NQO1: variants seen among roughly 807,000 people sequenced by gnomAD.
NQO1 encodes the protein NAD(P)H dehydrogenase [quinone] 1.
A neutral mutation model predicts 32.1 loss-of-function variants in NQO1; 30 were observed. The observed-to-expected ratio is 0.94, with a 90% CI of 0.70 to 1.27. The LOEUF is 1.27. Among genes scored for constraint, NQO1 ranks in the 50% most tolerant of loss-of-function variants. The pLI, the probability that NQO1 is intolerant of heterozygous loss-of-function variation, is 0.00. For synonymous variants in NQO1, 109 were observed against 119.7 expected (o/e 0.91, Z 0.59); for missense variants, 276 against 331.3 (o/e 0.83, Z 1.30).
In NQO1 at chr16:69,715,053, G is replaced by C; in HGVS notation, c.328C>G (p.Pro110Ala). ...FQFPLQWFGV[P>A]AILKGWFERV... ...TCAAACCAGCCTTTCAGAATGGCAG[G>C]GACTCCAAACCACTGCAGGGGGAAC... The change falls in exon 4 of 6, where the codon CCT becomes GCT. Residue 110 changes from proline to alanine, a missense_variant. Coordinates refer to ENST00000320623, the MANE Select transcript of NQO1 (RefSeq NM_000903.3). 6.2e-7 allele frequency: 1 copy of C among 1,613,668 alleles called. No homozygotes were observed. Among genetic ancestry groups the C allele is most frequent in the South Asian group, 1.1e-5 (1 of 91,074 alleles).
rs1460646593 is a variant in NQO1, at chr16:69,712,703, T to C, written c.519+325A>G. On this transcript the variant is annotated intron_variant, in intron 5 of 5. Transcript: ENST00000320623. ...TCAATGAATGAATTCCCCTGAAGGT[T>C]CGTTGAAAATGAGGTACCTGGCCAG... is the stretch of plus-strand genomic sequence containing the variant. Among the ~76,000 whole-genome samples the C allele has an allele frequency of 2.6e-5, 4 of 152,178 alleles. No homozygotes were observed. In the South Asian group the frequency reaches 6.2e-4, roughly 24 times the overall value.
At chr16:69,711,717 G>A (rs995617649) in intron 5 of NQO1, among the ~76,000 whole-genome samples, 4 of 149,980 alleles carry the variant, frequency 2.7e-5, no homozygotes, top group East Asian at 2.0e-4. Context: ...GCCATGGCAC[G>A]ATCTCGGCTC....
rs2038064535 is a variant in NQO1 at position 69,713,218 on chromosome 16, C to T, written c.418-89G>A. The T allele has an allele frequency of 3.7e-5, 36 of 960,204 alleles. No individual in the cohort carries two copies. The South Asian group carries it at 4.8e-4, about 13-fold the overall frequency. 59.5% of individuals were successfully genotyped at this position (960,204 alleles called of 1,614,324 possible). A position where few individuals can be genotyped will look rare whatever the true frequency, so the allele number is the denominator to read the frequency against. ...AATGAAACAGCTCCAGGGAAAAGAA[C>T]ACACAAGTCTGTCCTATTTGCTGTT... On this transcript the variant is annotated intron_variant, in intron 4 of 5. Transcript: ENST00000320623.
At chr16:69,726,378 AGGCACCAGTGCT>A in intron 1 of NQO1, 43 bp downstream of exon 1, 1 of 1,607,064 alleles carries the variant, frequency 6.2e-7, no homozygotes, top group East Asian at 2.2e-5. Flanking sequence ...CCTCCTCCAC[AGGCACCAGTGCT>A]CGAGAGACGA....
intron 1 of NQO1, among the ~76,000 whole-genome samples, chr16:69,720,950 A>C (rs1022861035): frequency 1.3e-5 from 2 of 151,522 alleles, no homozygotes; most frequent in Non-Finnish European, 2.9e-5. Flanking sequence ...GCATGATCTC[A>C]GGTCACTGCA....
rs56383985 is a variant in NQO1 at position 69,726,533 on chromosome 16, C to G, written c.-94G>C. On this transcript the variant is annotated 5_prime_UTR_variant, in exon 1 of 6. Coordinates refer to ENST00000320623, the MANE Select transcript of NQO1 (RefSeq NM_000903.3). Reference sequence around the variant, plus strand: ...AGGCTCTCGGTGAGCTGGGCGGCTCCGGCTGCAACCTTGTGGGAGTCGCGT... The same window carrying G: ...AGGCTCTCGGTGAGCTGGGCGGCTCGGGCTGCAACCTTGTGGGAGTCGCGT... The G allele has an allele frequency of 1.5e-5, 23 of 1,543,404 alleles. No individual in the cohort carries two copies. Among genetic ancestry groups the G allele is most frequent in the Non-Finnish European group, 1.9e-5 (22 of 1,142,304 alleles).
intron 3 of NQO1, among the ~76,000 whole-genome samples, chr16:69,716,478 C>G (rs960311626): frequency 6.6e-6 from 1 of 150,682 alleles, no homozygotes; most frequent in African/African-American, 2.4e-5. Flanking sequence ...GGCAACAGAG[C>G]GAGACTCCAT....
intron 1 of NQO1, among the ~76,000 whole-genome samples, chr16:69,721,853 A>AAT (rs1435606212): frequency 7.5e-6 from 1 of 133,518 alleles, no homozygotes; most frequent in African/African-American, 2.7e-5. Flanking sequence ...AAAAAAAAAA[A>AAT]TTAGCTGAGC....
intron 3 of NQO1, chr16:69,717,913 G>T: frequency 1.4e-6 from 1 of 715,268 alleles, no homozygotes; most frequent in Non-Finnish European, 2.2e-6. Context: ...GCCTGGCCTT[G>T]CAGTTGCATT....
At chr16:69,722,576 G>GC (rs2038207260) in intron 1 of NQO1, among the ~76,000 whole-genome samples, 1 of 152,200 alleles carries the variant, frequency 6.6e-6, no homozygotes, top group Non-Finnish European at 1.5e-5. Context: ...ATCTAGCAAG[G>GC]CAAGTGCCTC....
chr16:69,712,940 C>T, intron 5 of NQO1, 88 bp downstream of exon 5: 2 of 1,103,708 alleles, frequency 1.8e-6, no homozygotes, highest in Non-Finnish European at 2.7e-6. Flanking sequence ...TTGTAGTGAA[C>T]TAAGATGGTG....
In NQO1 at chr16:69,710,811, T is replaced by C. The variant is rs1224443582; in HGVS notation, c.*165A>G. 2.6e-6 allele frequency: 2 copies of C among 766,504 alleles called. No individual in the cohort carries two copies. The allele number at this position is 766,504 out of a possible 1,614,324, so 47.5% of individuals were successfully genotyped here. On this transcript the variant is annotated 3_prime_UTR_variant, in exon 6 of 6. Transcript: ENST00000320623. Reference sequence around the variant, plus strand: ...TATGCCATGATAGTAATCATAAGAATCAGTTAAAAATGATCCAAAAATGCA... The same window carrying C: ...TATGCCATGATAGTAATCATAAGAACCAGTTAAAAATGATCCAAAAATGCA...
chr16:69,714,994 G>GT lies in NQO1; in HGVS notation c.386dup (p.Tyr129Ter), dbSNP rs748374631. ...AGGGTCCTTTGTCATACATGGCAGC[G>GT]TAAGTGTAAGCAAACTCTCCTATGA... Reference protein sequence around the residue: ...RVFIGEFAYTYAAMYDKGPFR... With the variant: ...RVFIGEFAYT The change falls in exon 4 of 6, where the codon TAC (tyrosine) becomes TAAC (stop). Residue 129 changes from tyrosine (Y) to a stop codon, truncating the protein, a stop_gained and frameshift_variant. Coordinates refer to ENST00000320623, the MANE Select transcript of NQO1 (RefSeq NM_000903.3). LOFTEE classifies it high-confidence loss of function. The GT allele has an allele frequency of 2.5e-6, 4 of 1,613,640 alleles. No homozygotes were observed. Among genetic ancestry groups the GT allele is most frequent in the East Asian group, 2.2e-5 (1 of 44,850 alleles).
intron 3 of NQO1, among the ~76,000 whole-genome samples, chr16:69,716,192 AATC>A (rs776862080): frequency 8.3e-5 from 12 of 144,164 alleles, no homozygotes; most frequent in African/African-American, 2.6e-4. Context: ...TAATAATAAT[AATC>A]ATCATCATCA....
In NQO1 at chr16:69,724,492, CA is replaced by C. The variant is rs1164643438; in HGVS notation, c.7+1940del. On this transcript the variant is annotated intron_variant, in intron 1 of 5. Transcript: ENST00000320623. ...ACAGGAATGAGCCACCACTCCCAGC[CA>C]AAATTTTTTTTTTTTTTAATTAGCT... Among the ~76,000 whole-genome samples the C allele has an allele frequency of 3.5e-3, 530 of 151,380 alleles. 2 individuals carry two copies. The highest frequency in any genetic ancestry group is 0.012 in the African/African-American group (502 of 41,272).
In NQO1 at chr16:69,710,953, A is replaced by C. The variant is rs755088096; in HGVS notation, c.*23T>G. On this transcript the variant is annotated 3_prime_UTR_variant, in exon 6 of 6. Transcript: ENST00000320623. Reference sequence around the variant, plus strand: ...ATACCCAGATTTGATAACATGTTAGAAGGAAATCCAGGCTAAGGAATCTCA... The same window carrying C: ...ATACCCAGATTTGATAACATGTTAGCAGGAAATCCAGGCTAAGGAATCTCA... 6.3e-7 allele frequency: 1 copy of C among 1,594,546 alleles called. No homozygotes were observed. Among genetic ancestry groups the C allele is most frequent in the Non-Finnish European group, 8.5e-7 (1 of 1,169,964 alleles).
rs2038012744 is a variant in NQO1, at chr16:69,709,788, T to G, written c.*1188A>C. 3 of 398,478 alleles carry G rather than the reference T, an allele frequency of 7.5e-6. No individual in the cohort carries two copies. The highest frequency in any genetic ancestry group is 1.3e-5 in the Non-Finnish European group (3 of 226,070). The allele number at this position is 398,478 out of a possible 1,614,324, so 24.7% of individuals were successfully genotyped here. On this transcript the variant is annotated 3_prime_UTR_variant, in exon 6 of 6. Coordinates refer to ENST00000320623, the MANE Select transcript of NQO1 (RefSeq NM_000903.3). ...AAATTGACTATTATGCCAAAACTGT[T>G]CACCAAAGTTGATAAAACTCTAGGT...
intron 1 of NQO1, among the ~76,000 whole-genome samples, chr16:69,723,695 G>T (rs1025306532): frequency 6.6e-6 from 1 of 151,986 alleles, no homozygotes; most frequent in East Asian, 1.9e-4. Flanking sequence ...CCAGCTAATC[G>T]GGAGGCTGAG....
chr16:69,709,707 T>C lies in NQO1; in HGVS notation c.*1269A>G. 1 of 398,308 alleles carries C rather than the reference T, an allele frequency of 2.5e-6. No individual in the cohort carries two copies. The highest frequency in any genetic ancestry group is 4.4e-6 in the Non-Finnish European group (1 of 225,914). The allele number at this position is 398,308 out of a possible 1,614,324, so 24.7% of individuals were successfully genotyped here. A position where few individuals can be genotyped will look rare whatever the true frequency, so the allele number is the denominator to read the frequency against. On this transcript the variant is annotated 3_prime_UTR_variant, in exon 6 of 6. Transcript: ENST00000320623. ...ACCACAAGAGGGCAGTGTTTTATCA[T>C]ATTCTCCTTGAATTATATAATACCA...
Sources: allele counts gnomAD v4.1 joint callset (sites outside exome capture counted in the v4.1 genomes callset), GRCh38; gene constraint gnomAD v4.1.1; transcripts MANE v1.5; gene names NCBI Gene and HGNC (gene_info 2026-07-23, HGNC 2026-07-21).